CNTNAP3: variants seen among roughly 807,000 people sequenced by gnomAD.
CNTNAP3 encodes the protein contactin-associated protein-like 3.
Under a neutral mutation model 92.1 loss-of-function variants are expected in CNTNAP3, and 36 were observed. The ratio of observed to expected loss-of-function variants is 0.39; its 90% CI spans 0.30 to 0.52. CNTNAP3 has a LOEUF of 0.52. Ranked by LOEUF, CNTNAP3 falls within the 20% of genes least tolerant of loss-of-function variation. The pLI, the probability that CNTNAP3 is intolerant of heterozygous loss-of-function variation, is 0.76. For synonymous variants in CNTNAP3, 232 were observed against 422.3 expected (o/e 0.55, Z 5.53); for missense variants, 534 against 1,069.6 (o/e 0.50, Z 6.98).
rs1325645138 is a variant in CNTNAP3 at position 39,174,670 on chromosome 9, T to C, written c.1071+1279A>G. The C allele has an allele frequency of 4.5e-6, 3 of 664,406 alleles. No homozygotes were observed. The East Asian group carries it at 8.3e-5, about 18-fold the overall frequency. 41.2% of individuals were successfully genotyped at this position (664,406 alleles called of 1,614,324 possible). A position where few individuals can be genotyped will look rare whatever the true frequency, so the allele number is the denominator to read the frequency against. On this transcript the variant is annotated intron_variant, in intron 7 of 23. Coordinates refer to ENST00000297668, the MANE Select transcript of CNTNAP3 (RefSeq NM_033655.5). ...TAACCCCAACTTGGATATTTCAAAC[T>C]TTAAACATTGAAAGAAGTTTATTAA...
intron 17 of CNTNAP3, 127 bp from the exon 18 acceptor site, chr9:39,100,277 A>G: frequency 6.4e-7 from 1 of 1,566,468 alleles, no homozygotes; most frequent in Non-Finnish European, 8.7e-7. Context: ...TTTTGTGAAC[A>G]TACACAATTT....
chr9:39,079,225 G>A (rs1825872840), intron 21 of CNTNAP3, among the ~76,000 whole-genome samples: 1 of 151,932 alleles, frequency 6.6e-6, no homozygotes, highest in African/African-American at 2.4e-5. Context: ...GAAATCCTCT[G>A]CCATTTAATT....
intron 12 of CNTNAP3, among the ~76,000 whole-genome samples, chr9:39,135,747 C>T (rs149757068): frequency 0.018 from 2,738 of 152,216 alleles, 56 homozygotes; most frequent in East Asian, 0.11. Context: ...TGGGCAAAAT[C>T]ATCTAACACA....
Position 39,116,019 on chromosome 9 carries a change from G to A in CNTNAP3, c.2237+2084C>T, listed in dbSNP as rs1820850308. Reference sequence around the variant, plus strand: ...AAAATACAAAAATTAGCCGGGTGTGGCACTCGGCTGTAATCCCAGTTACTC... The same window carrying A: ...AAAATACAAAAATTAGCCGGGTGTGACACTCGGCTGTAATCCCAGTTACTC... On this transcript the variant is annotated intron_variant, in intron 14 of 23. Transcript: ENST00000297668. Among the ~76,000 whole-genome samples the A allele has an allele frequency of 2.0e-5, 3 of 152,222 alleles. No homozygotes were observed. The South Asian group carries it at 6.2e-4, about 32-fold the overall frequency.
At chr9:39,139,116 A>AC (rs1821509072) in intron 12 of CNTNAP3, among the ~76,000 whole-genome samples, 2 of 152,132 alleles carry the variant, frequency 1.3e-5, no homozygotes, top group South Asian at 4.1e-4. Context: ...TGGGGCATCT[A>AC]AAGAGAAGGT....
chr9:39,077,249 C>G (rs1825802107), intron 23 of CNTNAP3, among the ~76,000 whole-genome samples: 1 of 152,102 alleles, frequency 6.6e-6, no homozygotes, highest in African/African-American at 2.4e-5. Flanking sequence ...TTTAAAATAA[C>G]AACACATTTT....
intron 12 of CNTNAP3, among the ~76,000 whole-genome samples, chr9:39,138,256 T>C (rs942933516): frequency 3.9e-5 from 6 of 152,150 alleles, no homozygotes; most frequent in Admixed American, 2.0e-4. Context: ...TGCAGTACTA[T>C]AAGTAACATG....
chr9:39,066,227 TACG>T lies in CNTNAP3; in HGVS notation c.*7660_*7662del, dbSNP rs1825506482. 6.6e-6 allele frequency among the ~76,000 whole-genome samples: 1 copy of T among 152,250 alleles called. No individual in the cohort carries two copies. Among genetic ancestry groups the T allele is most frequent in the Non-Finnish European group, 1.5e-5 (1 of 68,042 alleles). On this transcript the variant is annotated 3_prime_UTR_variant, in exon 24 of 24. Coordinates refer to ENST00000297668, the MANE Select transcript of CNTNAP3 (RefSeq NM_033655.5). The stretch of plus-strand genomic sequence containing the variant: ...AATAGCCAACTTTTAATAGGCATTA[TACG>T]ACTTTACACACAGTCTAAGAACCTT...
At chr9:39,087,778 A>G (rs7031205) in intron 19 of CNTNAP3, among the ~76,000 whole-genome samples, 34,717 of 151,604 alleles carry the variant, frequency 0.23, 4,245 homozygotes, top group East Asian at 0.38. Context: ...GAGCCACCAC[A>G]TCCAGCCTAC....
chr9:39,145,284 C>T (rs1355708351), intron 10 of CNTNAP3, among the ~76,000 whole-genome samples: 6 of 137,586 alleles, frequency 4.4e-5, no homozygotes, highest in African/African-American at 1.3e-4. Flanking sequence ...AGCCTCTGGC[C>T]GCTGTCTCCC....
intron 15 of CNTNAP3, among the ~76,000 whole-genome samples, chr9:39,108,713 C>A (rs1395064951): frequency 6.6e-6 from 1 of 152,032 alleles, no homozygotes; most frequent in Admixed American, 6.6e-5. Context: ...AACGAAAATG[C>A]TGCAGGAAAG....
At chr9:39,089,643 T>A (rs1485755278) in intron 18 of CNTNAP3, among the ~76,000 whole-genome samples, 1 of 152,176 alleles carries the variant, frequency 6.6e-6, no homozygotes, top group South Asian at 2.1e-4. Context: ...GCTGCCATAT[T>A]TTTTCCAAAA....
rs1320849078 is a variant in CNTNAP3, at chr9:39,066,043, T to C, written c.*7847A>G. On this transcript the variant is annotated 3_prime_UTR_variant, in exon 24 of 24. Coordinates refer to ENST00000297668, the MANE Select transcript of CNTNAP3 (RefSeq NM_033655.5). ...CATTTGTTCTTTGTCCTCTTTCTCA[T>C]CTTTTTTGTCTACTTTCAAGCATTT... Among the ~76,000 whole-genome samples, 11 of 152,342 alleles carry C rather than the reference T, an allele frequency of 7.2e-5. No homozygotes were observed. The highest frequency in any genetic ancestry group is 3.3e-4 in the Admixed American group (5 of 15,310).
rs1032630078 is a variant in CNTNAP3, at chr9:39,109,813, C to A, written c.2238-526G>T. 2.2e-3 allele frequency among the ~76,000 whole-genome samples: 340 copies of A among 152,194 alleles called. 2 individuals carry two copies. Among genetic ancestry groups the A allele is most frequent in the African/African-American group, 7.9e-3 (327 of 41,524 alleles). ...AATGATTACAGAGAAGGGGAAAAAT[C>A]AAGAAGGTAACTTCCCTTCTAAAAT... On this transcript the variant is annotated intron_variant, in intron 14 of 23. Transcript: ENST00000297668.
At chr9:39,101,041 T>C (rs1384168836) in intron 17 of CNTNAP3, among the ~76,000 whole-genome samples, 1 of 149,156 alleles carries the variant, frequency 6.7e-6, no homozygotes, top group Non-Finnish European at 1.5e-5. Flanking sequence ...AGGTGAATTT[T>C]ACGCTAATTG....
chr9:39,168,418 T>G, intron 8 of CNTNAP3, among the ~76,000 whole-genome samples: 1 of 117,888 alleles, frequency 8.5e-6, no homozygotes, highest in Non-Finnish European at 1.8e-5. Flanking sequence ...CTGGCAGGAA[T>G]ACAATTGAAC....
At chr9:39,141,382 T>C (rs1031178936) in intron 11 of CNTNAP3, among the ~76,000 whole-genome samples, 62 of 152,302 alleles carry the variant, frequency 4.1e-4, no homozygotes, top group African/African-American at 1.4e-3. Flanking sequence ...TTTAAAGAGA[T>C]AAATAGAATT....
In CNTNAP3 at chr9:39,099,444, C is replaced by T. The variant is rs534875225; in HGVS notation, c.2995+467G>A. On this transcript the variant is annotated intron_variant, in intron 18 of 23. Coordinates refer to ENST00000297668, the MANE Select transcript of CNTNAP3 (RefSeq NM_033655.5). The stretch of plus-strand genomic sequence containing the variant: ...ATAAGAAAAGACATTTCTATAAAGG[C>T]CTTTTGAATCACTTCAAGTCATTGT... Among the ~76,000 whole-genome samples the T allele has an allele frequency of 2.0e-5, 3 of 152,230 alleles. No individual in the cohort carries two copies. In the East Asian group the frequency reaches 5.8e-4, roughly 29 times the overall value.
chr9:39,114,789 A>G (rs1237103027), intron 14 of CNTNAP3, among the ~76,000 whole-genome samples: 6 of 152,076 alleles, frequency 3.9e-5, no homozygotes, highest in Non-Finnish European at 1.5e-5. Context: ...ATAATCACAC[A>G]AAAGTCCTAT....
Sources: allele counts gnomAD v4.1 joint callset (sites outside exome capture counted in the v4.1 genomes callset), GRCh38; gene constraint gnomAD v4.1.1; transcripts MANE v1.5; gene names NCBI Gene and HGNC (gene_info 2026-07-23, HGNC 2026-07-21).